FCHSD2: variants seen among roughly 807,000 people sequenced by gnomAD.
The protein encoded by FCHSD2 is FCH and double SH3 domains 2.
In FCHSD2, 38 loss-of-function variants were observed where a neutral mutation model predicts 108.1. The ratio of observed to expected loss-of-function variants is 0.35; its 90% CI spans 0.27 to 0.46. The LOEUF (loss-of-function observed/expected upper bound fraction) is 0.46, where lower values mean the gene tolerates loss of function less well. FCHSD2 is among the 20% of genes least tolerant of loss of function. The probability of loss-of-function intolerance (pLI) is 1.00; values close to 1 mark genes in which losing one functional copy is unlikely to be tolerated. For missense variants in FCHSD2, 751 were observed against 897.8 expected, an observed-to-expected ratio of 0.84 and a Z score of 2.09; for synonymous variants, 279 against 314.7, an observed-to-expected ratio of 0.89 and a Z score of 1.20.
intron 2 of FCHSD2, among the ~76,000 whole-genome samples, chr11:73,134,618 G>GAC (rs768484174): frequency 1.1e-4 from 16 of 152,232 alleles, no homozygotes; most frequent in Admixed American, 6.5e-5. Flanking sequence ...GCAAAGGCAG[G>GAC]ACAGGTGCTT....
intron 3 of FCHSD2, among the ~76,000 whole-genome samples, chr11:73,057,257 T>C (rs1189653349): frequency 6.6e-5 from 10 of 152,102 alleles, no homozygotes; most frequent in Non-Finnish European, 1.5e-4. Flanking sequence ...GTGACCGGCA[T>C]AGTACCTAGG....
At chr11:72,928,279 T>C (rs959271427) in intron 8 of FCHSD2, among the ~76,000 whole-genome samples, 1 of 152,164 alleles carries the variant, frequency 6.6e-6, no homozygotes, top group African/African-American at 2.4e-5. Context: ...TGGCTCCCAC[T>C]GTATATTTTG....
intron 8 of FCHSD2, among the ~76,000 whole-genome samples, chr11:72,976,152 G>T (rs1390933287): frequency 6.6e-6 from 1 of 152,130 alleles, no homozygotes; most frequent in Non-Finnish European, 1.5e-5. Flanking sequence ...AGAGTTTAAA[G>T]AAATCTGCCT....
At chr11:72,855,783 T>A (rs147846068) in intron 13 of FCHSD2, among the ~76,000 whole-genome samples, 2 of 152,322 alleles carry the variant, frequency 1.3e-5, no homozygotes, top group Non-Finnish European at 2.9e-5. Context: ...ATAGTGAATA[T>A]AAATAATATT....
At chr11:72,908,553 C>T (rs769807137) in intron 9 of FCHSD2, among the ~76,000 whole-genome samples, 21 of 152,274 alleles carry the variant, frequency 1.4e-4, no homozygotes, top group Non-Finnish European at 2.6e-4. Context: ...TGTGTTACTG[C>T]CTATCTTTTG....
chr11:73,080,735 G>A (rs1859664563), intron 3 of FCHSD2, among the ~76,000 whole-genome samples: 2 of 152,114 alleles, frequency 1.3e-5, no homozygotes, highest in Admixed American at 6.6e-5. Flanking sequence ...TCTGAGGTCA[G>A]CAGTTCAAAA....
intron 1 of FCHSD2, among the ~76,000 whole-genome samples, chr11:73,140,514 TG>T (rs1405503638): frequency 6.6e-6 from 1 of 152,174 alleles, no homozygotes; most frequent in Non-Finnish European, 1.5e-5. Context: ...AGAGTGTGGA[TG>T]GGGGCTGGGA....
intron 8 of FCHSD2, among the ~76,000 whole-genome samples, chr11:72,978,012 G>T (rs534451930): frequency 6.6e-6 from 1 of 152,286 alleles, no homozygotes; most frequent in South Asian, 2.1e-4. Context: ...TCCTTTGTAG[G>T]GACATGGATG....
At chr11:73,055,179 C>T (rs75634820) in intron 3 of FCHSD2, among the ~76,000 whole-genome samples, 1 of 152,102 alleles carries the variant, frequency 6.6e-6, no homozygotes, top group East Asian at 1.9e-4. Flanking sequence ...GGGAAAACCA[C>T]CCCCATGATT....
chr11:73,107,048 T>C (rs1443807298), intron 2 of FCHSD2, among the ~76,000 whole-genome samples: 2 of 152,012 alleles, frequency 1.3e-5, no homozygotes, highest in Non-Finnish European at 2.9e-5. Context: ...TATATATATA[T>C]ATATTTTTAA....
At chr11:72,900,238 T>G (rs1231004844) in intron 10 of FCHSD2, 2 of 1,112,000 alleles carry the variant, frequency 1.8e-6, no homozygotes, top group Non-Finnish European at 2.6e-6. Context: ...CTCCCGCCCT[T>G]GACCCACACC....
chr11:73,104,003 T>G (rs557586495), intron 2 of FCHSD2, among the ~76,000 whole-genome samples: 1 of 152,186 alleles, frequency 6.6e-6, no homozygotes, highest in African/African-American at 2.4e-5. Flanking sequence ...AATACAAAAA[T>G]ACAAATAAAT....
At chr11:73,080,934 G>A (rs1859669637) in intron 3 of FCHSD2, among the ~76,000 whole-genome samples, 2 of 151,626 alleles carry the variant, frequency 1.3e-5, no homozygotes, top group Admixed American at 6.6e-5. Flanking sequence ...GGGTGACAGA[G>A]CAAGACTCTG....
chr11:73,094,558 G>A (rs2187494), intron 2 of FCHSD2, among the ~76,000 whole-genome samples: 101,146 of 152,032 alleles, frequency 0.67, 35,561 homozygotes, highest in South Asian at 0.85. Flanking sequence ...ATTCTTAAAT[G>A]GAGTAAAGCT....
chr11:72,992,086 C>CA (rs757564115), intron 5 of FCHSD2, among the ~76,000 whole-genome samples: 1 of 152,026 alleles, frequency 6.6e-6, no homozygotes, highest in Non-Finnish European at 1.5e-5. Flanking sequence ...AATCAATGTG[C>CA]AAAAAATCAC....
intron 2 of FCHSD2, among the ~76,000 whole-genome samples, chr11:73,096,105 G>A (rs531827881): frequency 6.6e-6 from 1 of 151,980 alleles, no homozygotes; most frequent in Non-Finnish European, 1.5e-5. Context: ...TATCTAAACA[G>A]ACGTAAAATT....
rs200477185 is a variant in FCHSD2, at chr11:73,025,992, TTATGTATG to T, written c.166-10115_166-10108del. On this transcript the variant is annotated intron_variant, in intron 3 of 19. Transcript: ENST00000409418. Reference sequence around the variant, plus strand: ...GACTAAAGAATTATAGAGATTCATTTTATGTATGTATGTATGTATGTATGTATGTATGT... The same window carrying T: ...GACTAAAGAATTATAGAGATTCATTTTATGTATGTATGTATGTATGTATGT... 4.9e-3 allele frequency among the ~76,000 whole-genome samples: 735 copies of T among 149,514 alleles called. 4 individuals carry two copies. The highest frequency in any genetic ancestry group is 0.012 in the African/African-American group (476 of 40,542).
rs184884281 is a variant in FCHSD2, at chr11:72,984,288, T to G, written c.577-72A>C. 3 of 1,460,800 alleles carry G rather than the reference T, an allele frequency of 2.1e-6. No homozygotes were observed. In the African/African-American group the frequency reaches 4.2e-5, roughly 20 times the overall value. The allele number at this position is 1,460,800 out of a possible 1,614,324, so 90.5% of individuals were successfully genotyped here. A position where few individuals can be genotyped will look rare whatever the true frequency, so the allele number is the denominator to read the frequency against. On this transcript the variant is annotated intron_variant, in intron 7 of 19. Coordinates refer to ENST00000409418, the MANE Select transcript of FCHSD2 (RefSeq NM_014824.3). ...TGCAAAACACATAGGAATCCTACTC[T>G]TAGTTTGCAATTAATGGCTCCCCAA...
chr11:73,033,564 C>T (rs1858417045), intron 3 of FCHSD2, among the ~76,000 whole-genome samples: 1 of 152,108 alleles, frequency 6.6e-6, no homozygotes, highest in Non-Finnish European at 1.5e-5. Flanking sequence ...AGACATCTTC[C>T]ACAAGAATAT....
Sources: gnomAD v4.1 joint callset for allele counts (sites outside exome capture counted in the v4.1 genomes callset) on GRCh38, gnomAD v4.1.1 for gene constraint, MANE v1.5 for transcripts, NCBI Gene and HGNC (gene_info 2026-07-23, HGNC 2026-07-21) for gene names.